Variants in RASEF observed in about 807,000 individuals in gnomAD.
RASEF encodes the protein ras and EF-hand domain-containing protein.
In RASEF, 68 loss-of-function variants were observed where a neutral mutation model predicts 90.1. The ratio of observed to expected loss-of-function variants is 0.75; its 90% CI spans 0.62 to 0.92. The LOEUF (loss-of-function observed/expected upper bound fraction) is 0.92, where lower values mean the gene tolerates loss of function less well. RASEF is among the 40% of genes least tolerant of loss of function. RASEF has a pLI of 0.00. For synonymous variants in RASEF, 331 were observed against 345.2 expected, an observed-to-expected ratio of 0.96 and a Z score of 0.46; for missense variants, 949 against 937.2, an observed-to-expected ratio of 1.01 and a Z score of -0.16.
chr9:83,206,964 T>C, the RASEF span, among the ~76,000 whole-genome samples: 41 of 152,226 alleles, frequency 2.7e-4, no homozygotes, highest in African/African-American at 7.9e-4. Context: ...GCCGGTCCCT[T>C]CAGACCTGCC....
In RASEF at chr9:82,985,080, G is replaced by T. The variant is rs1022329855; in HGVS notation, c.2118-2298C>A. The stretch of plus-strand genomic sequence containing the variant: ...AGCTTGGCCTGATTGGATGAAGTTT[G>T]CTGTGTCTACAGATTATCATTCATT... On this transcript the variant is annotated intron_variant, in intron 16 of 16. Coordinates refer to ENST00000376447, the MANE Select transcript of RASEF (RefSeq NM_152573.4). 3.2e-4 allele frequency among the ~76,000 whole-genome samples: 48 copies of T among 152,194 alleles called. 1 individual carries two copies. Among genetic ancestry groups the T allele is most frequent in the African/African-American group, 1.1e-3 (45 of 41,452 alleles).
chr9:83,204,802 A>G, the RASEF span, among the ~76,000 whole-genome samples: 1 of 152,252 alleles, frequency 6.6e-6, no homozygotes, highest in African/African-American at 2.4e-5. Context: ...GGATATAAAC[A>G]TATGCCAAAA....
the RASEF span, among the ~76,000 whole-genome samples, chr9:83,152,067 C>A: frequency 6.6e-6 from 1 of 152,124 alleles, no homozygotes; most frequent in African/African-American, 2.4e-5. Context: ...ACTATGATCT[C>A]CTTGAGAACA....
At chr9:83,211,968 T>C in the RASEF span, among the ~76,000 whole-genome samples, 1 of 152,206 alleles carries the variant, frequency 6.6e-6, no homozygotes, top group South Asian at 2.1e-4. Flanking sequence ...TATCACTGTA[T>C]ACTTAGGACC....
chr9:83,193,025 T>C, the RASEF span, among the ~76,000 whole-genome samples: 2 of 152,366 alleles, frequency 1.3e-5, no homozygotes, highest in East Asian at 3.9e-4. Flanking sequence ...ATGCTAGACC[T>C]CTTAGAGGTG....
At chr9:83,137,698 A>G in the RASEF span, among the ~76,000 whole-genome samples, 2 of 151,956 alleles carry the variant, frequency 1.3e-5, no homozygotes, top group Admixed American at 1.3e-4. Context: ...TGAAAAGGTT[A>G]TTTAGGCAGA....
intron 1 of RASEF, among the ~76,000 whole-genome samples, chr9:83,030,186 A>C (rs540391694): frequency 6.6e-6 from 1 of 152,160 alleles, no homozygotes; most frequent in South Asian, 2.1e-4. Flanking sequence ...GTGAAACCCT[A>C]TCTCTACTAA....
At position 82,982,578 on chromosome 9, in the gene RASEF, C is replaced by G. The variant is rs1036196283; in HGVS notation, c.*99G>C. ...TCCTGCACTGTAACTCTCCATAGGA[C>G]AGTGTCAGTAGGATGTGCCACTCTG... is the stretch of plus-strand genomic sequence containing the variant. On this transcript the variant is annotated 3_prime_UTR_variant, in exon 17 of 17. Coordinates refer to ENST00000376447, the MANE Select transcript of RASEF (RefSeq NM_152573.4). 1.2e-5 allele frequency: 9 copies of G among 746,752 alleles called. No individual in the cohort carries two copies. In the African/African-American group the frequency reaches 1.5e-4, roughly 13 times the overall value. The allele number at this position is 746,752 out of a possible 1,614,324, so 46.3% of individuals were successfully genotyped here.
At chr9:83,161,843 T>G in the RASEF span, among the ~76,000 whole-genome samples, 2 of 151,976 alleles carry the variant, frequency 1.3e-5, no homozygotes, top group Non-Finnish European at 2.9e-5. Flanking sequence ...TCTTAGGAGA[T>G]CTGATAGTTT....
At chr9:83,058,662 T>C (rs1044005631) in intron 1 of RASEF, among the ~76,000 whole-genome samples, 19 of 152,184 alleles carry the variant, frequency 1.2e-4, no homozygotes, top group Non-Finnish European at 2.8e-4. Flanking sequence ...TCACCAATAC[T>C]GAAACTTCGC....
At chr9:83,082,608 C>T in the RASEF span, among the ~76,000 whole-genome samples, 1 of 152,008 alleles carries the variant, frequency 6.6e-6, no homozygotes, top group African/African-American at 2.4e-5. Flanking sequence ...CAAAAAGGAA[C>T]AAAGGCAGAA....
the RASEF span, among the ~76,000 whole-genome samples, chr9:83,159,586 T>C: frequency 6.6e-6 from 1 of 152,248 alleles, no homozygotes; most frequent in African/African-American, 2.4e-5. Flanking sequence ...TGTCAACTTA[T>C]TGTAAGACAT....
At chr9:83,065,424 T>C (rs1830274794), upstream of RASEF, among the ~76,000 whole-genome samples, 1 of 152,312 alleles carries the variant, frequency 6.6e-6, no homozygotes, top group East Asian at 1.9e-4. Flanking sequence ...TTCAGGAAGC[T>C]AGCATGAGTT....
chr9:82,982,789 CAGAGATAGAGAGAGACAG>C lies in RASEF; in HGVS notation c.2118-25_2118-8del. On this transcript the variant is annotated splice_region_variant and splice_polypyrimidine_tract_variant and intron_variant, in intron 16 of 16. Transcript: ENST00000376447. The stretch of plus-strand genomic sequence containing the variant: ...AGTTCTCTTTTTCACTTCTCTGAGA[CAGAGATAGAGAGAGACAG>C]AGAGAGAGAGAGAGAGAGAGAGAGA... 1.4e-6 allele frequency: 2 copies of C among 1,445,234 alleles called. No individual in the cohort carries two copies. The highest frequency in any genetic ancestry group is 1.7e-5 in the Admixed American group (1 of 57,578). 89.5% of individuals were successfully genotyped at this position (1,445,234 alleles called of 1,614,324 possible).
the RASEF span, among the ~76,000 whole-genome samples, chr9:83,076,407 T>C: frequency 6.9e-6 from 1 of 145,294 alleles, no homozygotes; most frequent in African/African-American, 2.6e-5. Flanking sequence ...AGAAGATATG[T>C]GGATAAAGTG....
intron 14 of RASEF, among the ~76,000 whole-genome samples, chr9:82,994,515 C>A (rs1278922917): frequency 1.3e-5 from 2 of 152,164 alleles, no homozygotes; most frequent in Non-Finnish European, 2.9e-5. Context: ...CATATCATTT[C>A]ATTTATTGAT....
At chr9:83,144,396 G>GAAAGAAAGAAAGAAAGAAAT in the RASEF span, among the ~76,000 whole-genome samples, 1 of 100,182 alleles carries the variant, frequency 1.0e-5, no homozygotes, top group Non-Finnish European at 2.1e-5. Flanking sequence ...AGAAAGGAAA[G>GAAAGAAAGAAAGAAAGAAAT]AAAGAAAGAA....
chr9:83,160,602 A>C, the RASEF span, among the ~76,000 whole-genome samples: 1 of 152,218 alleles, frequency 6.6e-6, no homozygotes, highest in Admixed American at 6.5e-5. Flanking sequence ...AATGGAAAAG[A>C]AAATCTCATG....
chr9:83,038,506 G>A (rs748285148), intron 1 of RASEF, among the ~76,000 whole-genome samples: 3 of 152,044 alleles, frequency 2.0e-5, no homozygotes, highest in African/African-American at 7.2e-5. Flanking sequence ...CACATTGAAC[G>A]AAGATGTATT....
Sources: gnomAD v4.1 joint callset for allele counts (sites outside exome capture counted in the v4.1 genomes callset) on GRCh38, gnomAD v4.1.1 for gene constraint, MANE v1.5 for transcripts, NCBI Gene and HGNC (gene_info 2026-07-23, HGNC 2026-07-21) for gene names.